The following TMEM68 variants were observed in gnomAD, a reference collection of about 807,000 sequenced individuals.
TMEM68 encodes the protein DGAT1/2-independent enzyme synthesizing storage lipids.
In TMEM68, 25 loss-of-function variants were observed where a neutral mutation model predicts 36.9. The ratio of observed to expected loss-of-function variants is 0.68; its 90% CI spans 0.49 to 0.95. TMEM68 has a LOEUF of 0.95. TMEM68 is among the 40% of genes least tolerant of loss of function. TMEM68 has a pLI of 0.00. For synonymous variants in TMEM68, 131 were observed against 124.4 expected (o/e 1.05, Z -0.35); for missense variants, 333 against 392.0 (o/e 0.85, Z 1.27).
intron 3 of TMEM68, among the ~76,000 whole-genome samples, chr8:55,757,550 G>A (rs1232930376): frequency 6.6e-6 from 1 of 152,066 alleles, no homozygotes; most frequent in Admixed American, 6.6e-5. Flanking sequence ...TTATCTCATA[G>A]AAGAAAACCT....
intron 6 of TMEM68, among the ~76,000 whole-genome samples, chr8:55,744,555 C>G (rs936120166): frequency 6.6e-6 from 1 of 151,980 alleles, no homozygotes; most frequent in Non-Finnish European, 1.5e-5. Flanking sequence ...GATCCACCCA[C>G]CTCGGCCTCC....
intron 5 of TMEM68, 49 bp from the exon 6 acceptor site, chr8:55,745,170 C>A: frequency 7.8e-7 from 1 of 1,278,002 alleles, no homozygotes; most frequent in South Asian, 1.5e-5. Flanking sequence ...TTAATCCATT[C>A]AATGTCTCCA....
chr8:55,757,882 G>C (rs1378262966), intron 3 of TMEM68, among the ~76,000 whole-genome samples: 1 of 152,102 alleles, frequency 6.6e-6, no homozygotes, highest in Non-Finnish European at 1.5e-5. Context: ...CAGGGAAAAG[G>C]GAAAGGAACA....
intron 5 of TMEM68, among the ~76,000 whole-genome samples, chr8:55,748,926 T>C (rs1477647387): frequency 6.6e-6 from 1 of 152,226 alleles, no homozygotes; most frequent in Non-Finnish European, 1.5e-5. Context: ...TACTGGGGTC[T>C]TGACATCTTA....
intron 7 of TMEM68, among the ~76,000 whole-genome samples, chr8:55,741,502 C>G (rs11986852): frequency 0.71 from 108,134 of 152,124 alleles, 38,676 homozygotes; most frequent in African/African-American, 0.79. Flanking sequence ...TAACTTAAAA[C>G]GAAGAATCAA....
chr8:55,753,791 T>TA (rs1414047933), intron 4 of TMEM68, among the ~76,000 whole-genome samples: 1 of 152,172 alleles, frequency 6.6e-6, no homozygotes, highest in Non-Finnish European at 1.5e-5. Flanking sequence ...TAATCTTTTT[T>TA]TAAAAAAAAT....
At chr8:55,769,409 T>C (rs1811082929) in intron 1 of TMEM68, among the ~76,000 whole-genome samples, 1 of 149,450 alleles carries the variant, frequency 6.7e-6, no homozygotes, top group Non-Finnish European at 1.5e-5. Context: ...AAACAGATGA[T>C]GTAGGAGAGG....
intron 3 of TMEM68, among the ~76,000 whole-genome samples, chr8:55,759,202 T>C (rs1011514922): frequency 7.3e-5 from 11 of 150,050 alleles, no homozygotes; most frequent in Admixed American, 6.1e-4. Flanking sequence ...GGAGGATTGC[T>C]TGAGGCTAGG....
chr8:55,746,813 C>T (rs1365063957), intron 5 of TMEM68: 11 of 152,306 alleles, frequency 7.2e-5, no homozygotes, highest in Admixed American at 3.9e-4. Flanking sequence ...TCTCTCCTCT[C>T]GCCAGAAGGA....
intron 1 of TMEM68, among the ~76,000 whole-genome samples, chr8:55,771,155 CAAA>C (rs113484781): frequency 7.9e-6 from 1 of 126,514 alleles, no homozygotes; most frequent in Non-Finnish European, 1.7e-5. Flanking sequence ...TCTCCGTCTC[CAAA>C]AAAAAAAAAA....
At chr8:55,750,498 G>A (rs577770600) in intron 5 of TMEM68, among the ~76,000 whole-genome samples, 3 of 149,554 alleles carry the variant, frequency 2.0e-5, no homozygotes, top group East Asian at 1.9e-4. Flanking sequence ...AATACTTTCC[G>A]AAGGCAAAGT....
intron 3 of TMEM68, chr8:55,760,884 T>C (rs1346461536): frequency 1.3e-5 from 2 of 152,222 alleles, no homozygotes; most frequent in Non-Finnish European, 2.9e-5. Context: ...TACTTTAAGC[T>C]CTACAAAACA....
At chr8:55,758,974 CAA>C (rs1034263901) in intron 3 of TMEM68, among the ~76,000 whole-genome samples, 1 of 152,068 alleles carries the variant, frequency 6.6e-6, no homozygotes, top group Admixed American at 6.6e-5. Context: ...AGTAACATAA[CAA>C]TGTTAATTTT....
At chr8:55,771,441 AACACAC>A (rs10612593) in intron 1 of TMEM68, among the ~76,000 whole-genome samples, 16 of 149,312 alleles carry the variant, frequency 1.1e-4, no homozygotes, top group Admixed American at 1.3e-4. Context: ...GTCTCTACAA[AACACAC>A]ACACACACAC....
Position 55,740,223 on chromosome 8 carries a change from T to C in TMEM68, c.889-5A>G. 1.2e-6 allele frequency: 2 copies of C among 1,609,434 alleles called. No individual in the cohort carries two copies. The highest frequency in any genetic ancestry group is 1.7e-6 in the Non-Finnish European group (2 of 1,177,548). ...AGCTTGAACAGCATTCTTCGTCTAT[T>C]AAGAAAACAAAAGAAAAGCTATTGT... is the stretch of plus-strand genomic sequence containing the variant. On this transcript the variant is annotated splice_region_variant and splice_polypyrimidine_tract_variant and intron_variant, in intron 7 of 7. Coordinates refer to ENST00000434581, the MANE Select transcript of TMEM68 (RefSeq NM_001286657.2).
intron 7 of TMEM68, among the ~76,000 whole-genome samples, chr8:55,741,017 T>C (rs1195802330): frequency 6.6e-6 from 1 of 152,168 alleles, no homozygotes; most frequent in Non-Finnish European, 1.5e-5. Context: ...GTGGATCACC[T>C]GAGATCAAGA....
intron 4 of TMEM68, among the ~76,000 whole-genome samples, chr8:55,754,893 TA>T (rs1810551408): frequency 7.4e-6 from 1 of 135,888 alleles, no homozygotes; most frequent in African/African-American, 2.8e-5. Context: ...ATATTATATA[TA>T]AAATACATAT....
chr8:55,769,095 C>T (rs1179779147), intron 1 of TMEM68, among the ~76,000 whole-genome samples: 2 of 145,758 alleles, frequency 1.4e-5, no homozygotes, highest in African/African-American at 2.5e-5. Context: ...GAGGCCAAGG[C>T]GGGTGGATCA....
rs552636902 is a variant in TMEM68 at position 55,744,107 on chromosome 8, A to G, written c.749-487T>C. On this transcript the variant is annotated intron_variant, in intron 6 of 7. Transcript: ENST00000434581. ...AATAAGTAACTTAGATAAATAAAAG[A>G]CCAAAAAAAGGAAGAATAAATTTAT... Among the ~76,000 whole-genome samples, 6 of 151,886 alleles carry G rather than the reference A, an allele frequency of 4.0e-5. No individual in the cohort carries two copies. In the South Asian group the frequency reaches 1.2e-3, roughly 32 times the overall value.
Sources: gnomAD v4.1 joint callset for allele counts (sites outside exome capture counted in the v4.1 genomes callset) on GRCh38, gnomAD v4.1.1 for gene constraint, MANE v1.5 for transcripts, NCBI Gene and HGNC (gene_info 2026-07-23, HGNC 2026-07-21) for gene names.